The following KIF6 variants were observed in gnomAD, a reference collection of about 807,000 sequenced individuals.
The protein encoded by KIF6 is kinesin-like protein KIF6.
In KIF6, 106 loss-of-function variants were observed where a neutral mutation model predicts 112.7. The observed-to-expected ratio is 0.94, with a 90% CI of 0.80 to 1.11. The LOEUF is 1.11. KIF6 is among the 50% of genes least tolerant of loss of function. The pLI is 0.00. For synonymous variants in KIF6, 339 were observed against 339.9 expected, an observed-to-expected ratio of 1.00 and a Z score of 0.03; for missense variants, 929 against 964.0, an observed-to-expected ratio of 0.96 and a Z score of 0.48.
intron 6 of KIF6, among the ~76,000 whole-genome samples, chr6:39,602,851 C>T (rs1055401408): frequency 6.6e-6 from 1 of 152,172 alleles, no homozygotes; most frequent in South Asian, 2.1e-4. Flanking sequence ...CCTTTTCCTA[C>T]TCCCCAAATA....
chr6:39,436,825 C>G (rs886250752), intron 13 of KIF6, among the ~76,000 whole-genome samples: 6 of 151,974 alleles, frequency 3.9e-5, no homozygotes, highest in African/African-American at 1.4e-4. Flanking sequence ...GTTCTTTTTG[C>G]TTAGGATTGC....
intron 3 of KIF6, among the ~76,000 whole-genome samples, chr6:39,652,921 T>C (rs1182350456): frequency 6.6e-6 from 1 of 152,220 alleles, no homozygotes; most frequent in Non-Finnish European, 1.5e-5. Flanking sequence ...GGTAGAATAA[T>C]ATCCAGTTAA....
rs2113869754 is a variant in KIF6 at position 39,333,924 on chromosome 6, G to A, written c.*2608C>T. 6.6e-6 allele frequency: 1 copy of A among 152,328 alleles called. No individual in the cohort carries two copies. The highest frequency in any genetic ancestry group is 2.1e-4 in the South Asian group (1 of 4,826). 9.4% of individuals were successfully genotyped at this position (152,328 alleles called of 1,614,324 possible). A position where few individuals can be genotyped will look rare whatever the true frequency, so the allele number is the denominator to read the frequency against. On this transcript the variant is annotated 3_prime_UTR_variant, in exon 23 of 23. Transcript: ENST00000287152. ...ACTTCTTGTCATCCGTGGCTCCACT[G>A]ATCCCAGGTGGATTGCTGGAAAGTC...
intron 14 of KIF6, among the ~76,000 whole-genome samples, chr6:39,426,496 T>A (rs1770774838): frequency 6.6e-6 from 1 of 152,180 alleles, no homozygotes; most frequent in Non-Finnish European, 1.5e-5. Flanking sequence ...ACACCTGTAA[T>A]CCCAGTACTT....
intron 9 of KIF6, among the ~76,000 whole-genome samples, chr6:39,581,518 T>G (rs1350981447): frequency 1.3e-5 from 2 of 152,118 alleles, no homozygotes; most frequent in South Asian, 4.1e-4. Context: ...GTTATGTAAA[T>G]TTGAATTTCA....
intron 13 of KIF6, among the ~76,000 whole-genome samples, chr6:39,525,946 T>C (rs1463717109): frequency 6.6e-6 from 1 of 152,222 alleles, no homozygotes; most frequent in Non-Finnish European, 1.5e-5. Flanking sequence ...GGGATTCTAC[T>C]TGTTTTCTCT....
At chr6:39,535,116 A>C (rs1258558059) in intron 13 of KIF6, among the ~76,000 whole-genome samples, 7 of 152,214 alleles carry the variant, frequency 4.6e-5, no homozygotes, top group Non-Finnish European at 1.0e-4. Context: ...TCATGCCAAA[A>C]TGTAAAGACC....
intron 22 of KIF6, among the ~76,000 whole-genome samples, chr6:39,340,792 A>G (rs1763286294): frequency 6.6e-6 from 1 of 151,984 alleles, no homozygotes; most frequent in South Asian, 2.1e-4. Flanking sequence ...GAGTTAGATG[A>G]TCACATCTCT....
chr6:39,468,563 A>G (rs546455637), intron 13 of KIF6, among the ~76,000 whole-genome samples: 15 of 152,302 alleles, frequency 9.8e-5, no homozygotes, highest in African/African-American at 3.6e-4. Context: ...ATGGAATGAC[A>G]CACTGAAATA....
intron 10 of KIF6, among the ~76,000 whole-genome samples, chr6:39,558,374 G>T (rs1363324212): frequency 1.3e-5 from 2 of 152,122 alleles, no homozygotes. Context: ...ATTTCCATAA[G>T]TGCACATTTT....
At chr6:39,409,467 C>T (rs888964386) in intron 15 of KIF6, among the ~76,000 whole-genome samples, 3 of 152,296 alleles carry the variant, frequency 2.0e-5, no homozygotes, top group Non-Finnish European at 2.9e-5. Context: ...TCAATGTTGC[C>T]CAGTGGCAGT....
intron 13 of KIF6, among the ~76,000 whole-genome samples, chr6:39,453,437 C>T (rs537008274): frequency 1.3e-5 from 2 of 152,182 alleles, no homozygotes; most frequent in Non-Finnish European, 2.9e-5. Context: ...GAAGAAGATA[C>T]CATAAGCTGC....
At position 39,684,996 on chromosome 6, in the gene KIF6, T is replaced by C. The variant is rs150514916; in HGVS notation, c.251+29696A>G. Among the ~76,000 whole-genome samples, 13 of 152,206 alleles carry C rather than the reference T, an allele frequency of 8.5e-5. No homozygotes were observed. The East Asian group carries it at 1.4e-3, about 16-fold the overall frequency. ...GCAGAGAAGACAGACAGAAGCCCAG[T>C]TGGAGAGGGTCCAGAAATAAATGGG... On this transcript the variant is annotated intron_variant, in intron 3 of 22. Coordinates refer to ENST00000287152, the MANE Select transcript of KIF6 (RefSeq NM_145027.6).
chr6:39,352,379 A>G (rs1199291055), intron 19 of KIF6, among the ~76,000 whole-genome samples: 1 of 152,192 alleles, frequency 6.6e-6, no homozygotes, highest in Non-Finnish European at 1.5e-5. Context: ...ACATTACAAT[A>G]TCATACAGAA....
chr6:39,588,949 C>G (rs183629860), intron 7 of KIF6, among the ~76,000 whole-genome samples: 1 of 152,180 alleles, frequency 6.6e-6, no homozygotes, highest in Non-Finnish European at 1.5e-5. Context: ...GTTCTCCACA[C>G]AGCAGCCAGA....
At chr6:39,361,753 G>T (rs1765164984) in intron 17 of KIF6, among the ~76,000 whole-genome samples, 1 of 151,268 alleles carries the variant, frequency 6.6e-6, no homozygotes, top group Admixed American at 6.6e-5. Flanking sequence ...AGCGCCTGGG[G>T]CTTTGATCTC....
intron 5 of KIF6, among the ~76,000 whole-genome samples, chr6:39,625,119 G>C (rs547620174): frequency 8.5e-5 from 13 of 152,276 alleles, no homozygotes; most frequent in African/African-American, 2.9e-4. Context: ...CACCAAATCT[G>C]CCAGTACCTT....
chr6:39,375,199 A>G (rs939914848), intron 16 of KIF6, among the ~76,000 whole-genome samples: 3 of 152,206 alleles, frequency 2.0e-5, no homozygotes, highest in Admixed American at 2.0e-4. Flanking sequence ...GGTGGTTACC[A>G]GGGGTGGGAG....
chr6:39,597,293 T>C (rs1782328315), intron 6 of KIF6, among the ~76,000 whole-genome samples: 1 of 152,162 alleles, frequency 6.6e-6, no homozygotes, highest in Non-Finnish European at 1.5e-5. Context: ...TTACTAAAGT[T>C]GCTCCATCAA....
Sources: gnomAD v4.1 joint callset for allele counts (sites outside exome capture counted in the v4.1 genomes callset) on GRCh38, gnomAD v4.1.1 for gene constraint, MANE v1.5 for transcripts, NCBI Gene and HGNC (gene_info 2026-07-23, HGNC 2026-07-21) for gene names.